The following CLIP4 variants were observed in gnomAD, a reference collection of about 807,000 sequenced individuals.
CLIP4 encodes the protein CAP-Gly domain containing linker protein family member 4, also known as CAP-Gly domain-containing linker protein 4.
A neutral mutation model predicts 73.1 loss-of-function variants in CLIP4; 47 were observed. The observed-to-expected ratio is 0.64, with a 90% CI of 0.51 to 0.82. CLIP4 has a LOEUF of 0.82. Among genes scored for constraint, CLIP4 ranks in the 40% least tolerant of loss-of-function variants. The probability of loss-of-function intolerance (pLI) is 0.00; values close to 1 mark genes in which losing one functional copy is unlikely to be tolerated. For missense variants in CLIP4, 874 were observed against 852.9 expected (o/e 1.02, Z -0.31); for synonymous variants, 306 against 295.4 (o/e 1.04, Z -0.37).
chr2:29,127,750 A>G (rs896195764), intron 2 of CLIP4, among the ~76,000 whole-genome samples: 29 of 152,270 alleles, frequency 1.9e-4, no homozygotes, highest in African/African-American at 6.0e-4. Context: ...TAAATCTTCC[A>G]GCAATTTTGT....
chr2:29,103,627 A>G (rs1304999248), intron 1 of CLIP4, among the ~76,000 whole-genome samples: 1 of 151,874 alleles, frequency 6.6e-6, no homozygotes, highest in Non-Finnish European at 1.5e-5. Flanking sequence ...AAGCTAATTA[A>G]GAACTTGAAT....
chr2:29,163,929 T>A lies in CLIP4; in HGVS notation c.1633T>A (p.Phe545Ile). The A allele has an allele frequency of 1.9e-6, 3 of 1,613,426 alleles. No individual in the cohort carries two copies. The highest frequency in any genetic ancestry group is 2.5e-6 in the Non-Finnish European group (3 of 1,179,592). The change falls in exon 13 of 16, where the codon TTT (phenylalanine) becomes ATT (isoleucine). Residue 545 changes from phenylalanine to isoleucine, a missense_variant. By Grantham distance (21) the Phe-to-Ile change is conservative (BLOSUM62 0). Transcript: ENST00000320081. Reference sequence around the variant, plus strand: ...TAGCTGTTCTCCAAGATATGGAATATTTGCTCCCCCATCCAGGGTGCAAAG... The same window carrying A: ...TAGCTGTTCTCCAAGATATGGAATAATTGCTCCCCCATCCAGGGTGCAAAG... ...YFSCSPRYGIFAPPSRVQRVT... is the reference protein window; with the variant it reads ...YFSCSPRYGIIAPPSRVQRVT...
At chr2:29,165,150 C>G (rs570103890) in intron 13 of CLIP4, among the ~76,000 whole-genome samples, 60 of 152,268 alleles carry the variant, frequency 3.9e-4, no homozygotes, top group African/African-American at 1.4e-3. Flanking sequence ...AGTGATTTAG[C>G]TAAAGTCATA....
chr2:29,152,889 C>T, intron 9 of CLIP4, 61 bp downstream of exon 9: 1 of 1,562,990 alleles, frequency 6.4e-7, no homozygotes, highest in Non-Finnish European at 8.7e-7. Flanking sequence ...TGTAGAATTC[C>T]TAATATTTAG....
At chr2:29,138,841 T>C (rs1665559718) in intron 6 of CLIP4, among the ~76,000 whole-genome samples, 1 of 152,166 alleles carries the variant, frequency 6.6e-6, no homozygotes, top group Non-Finnish European at 1.5e-5. Flanking sequence ...TTTTCGTATA[T>C]TGATTTTGTG....
chr2:29,178,982 C>A (rs1192440838), intron 15 of CLIP4, among the ~76,000 whole-genome samples: 2 of 152,064 alleles, frequency 1.3e-5, no homozygotes, highest in East Asian at 3.9e-4. Context: ...TTTTGTACAG[C>A]CAGGGTTTCA....
chr2:29,141,270 T>C (rs1665747461), intron 6 of CLIP4, among the ~76,000 whole-genome samples: 1 of 152,208 alleles, frequency 6.6e-6, no homozygotes, highest in Admixed American at 6.5e-5. Flanking sequence ...GTATGTTCCA[T>C]GTGCAAATGA....
Position 29,150,090 on chromosome 2 carries a change from G to A in CLIP4, c.1022-2595G>A, listed in dbSNP as rs966206193. 5.9e-5 allele frequency among the ~76,000 whole-genome samples: 9 copies of A among 152,278 alleles called. No homozygotes were observed. In the South Asian group the frequency reaches 8.3e-4, roughly 14 times the overall value. On this transcript the variant is annotated intron_variant, in intron 8 of 15. Transcript: ENST00000320081. ...AATGAAATAGCTCTTACATAATAAA[G>A]GGAGAAGAGAAAGAGAGAGAAAGCC...
At chr2:29,160,220 T>C in intron 11 of CLIP4, 113 bp from the exon 12 acceptor site, 2 of 1,278,446 alleles carry the variant, frequency 1.6e-6, no homozygotes, top group Admixed American at 3.7e-5. Context: ...CTAACTAGAC[T>C]AGTTAGAATA....
At chr2:29,121,663 A>G (rs1370597210) in intron 2 of CLIP4, 142 bp downstream of exon 2, 5 of 868,026 alleles carry the variant, frequency 5.8e-6, no homozygotes, top group South Asian at 3.4e-5. Flanking sequence ...CAAAAATACA[A>G]TTGCTTATTG....
intron 2 of CLIP4, among the ~76,000 whole-genome samples, chr2:29,125,345 C>G (rs34049145): frequency 0.072 from 10,981 of 152,258 alleles, 550 homozygotes; most frequent in East Asian, 0.25. Context: ...CTTTCCCTTA[C>G]TTCAAGTATT....
At chr2:29,109,314 A>G (rs754037232) in intron 1 of CLIP4, among the ~76,000 whole-genome samples, 20 of 152,172 alleles carry the variant, frequency 1.3e-4, no homozygotes, top group Non-Finnish European at 2.1e-4. Flanking sequence ...TCCTAATGCC[A>G]TGTGACATTC....
chr2:29,124,008 G>C (rs1664432992), intron 2 of CLIP4, among the ~76,000 whole-genome samples: 1 of 152,052 alleles, frequency 6.6e-6, no homozygotes, highest in African/African-American at 2.4e-5. Flanking sequence ...TATATATTTT[G>C]CTTAAACATT....
At chr2:29,174,625 A>G (rs1462455479) in intron 15 of CLIP4, 180 bp downstream of exon 15, 3 of 1,345,920 alleles carry the variant, frequency 2.2e-6, no homozygotes, top group Non-Finnish European at 2.9e-6. Context: ...AAGCGCAATT[A>G]AAAATGTCAC....
intron 1 of CLIP4, among the ~76,000 whole-genome samples, chr2:29,116,020 C>G (rs1308738734): frequency 6.6e-6 from 1 of 152,210 alleles, no homozygotes; most frequent in Non-Finnish European, 1.5e-5. Flanking sequence ...AGAGTCCCCG[C>G]ACGCGCAGTG....
At chr2:29,167,642 G>C in intron 14 of CLIP4, 102 bp downstream of exon 14, 1 of 732,818 alleles carries the variant, frequency 1.4e-6, no homozygotes, top group Non-Finnish European at 2.1e-6. Flanking sequence ...TCTATAAACT[G>C]TATTTGTATA....
At chr2:29,145,148 C>G in intron 7 of CLIP4, 84 bp from the exon 8 acceptor site, 1 of 1,191,490 alleles carries the variant, frequency 8.4e-7, no homozygotes, top group South Asian at 1.6e-5. Context: ...TTAAAAACTC[C>G]CATGGTGAAG....
chr2:29,176,770 A>G (rs1668369811), intron 15 of CLIP4, among the ~76,000 whole-genome samples: 1 of 152,108 alleles, frequency 6.6e-6, no homozygotes, highest in South Asian at 2.1e-4. Flanking sequence ...ACTCTTCTCC[A>G]TGTTACCACC....
intron 1 of CLIP4, among the ~76,000 whole-genome samples, chr2:29,117,273 A>G (rs1378088283): frequency 6.6e-6 from 1 of 152,232 alleles, no homozygotes; most frequent in Non-Finnish European, 1.5e-5. Context: ...GAATGGGGCT[A>G]GAGCAGTGGA....
Sources: gnomAD v4.1 joint callset for allele counts (sites outside exome capture counted in the v4.1 genomes callset) on GRCh38, gnomAD v4.1.1 for gene constraint, MANE v1.5 for transcripts, NCBI Gene and HGNC (gene_info 2026-07-23, HGNC 2026-07-21) for gene names.